Variants in NPAS3 observed in about 807,000 individuals in gnomAD.
NPAS3 encodes the protein neuronal PAS domain-containing protein 3.
NPAS3 carries 14 observed loss-of-function variants against 73.1 expected under a neutral mutation model. That is an observed-to-expected ratio of 0.19 (90% CI 0.13 to 0.30). NPAS3 has a LOEUF of 0.30. Ranked by LOEUF, NPAS3 falls within the 10% of genes least tolerant of loss-of-function variation. The probability of loss-of-function intolerance (pLI) is 1.00; values close to 1 mark genes in which losing one functional copy is unlikely to be tolerated. For missense variants in NPAS3, 1,096 were observed against 1,250.0 expected, an observed-to-expected ratio of 0.88 and a Z score of 1.86; for synonymous variants, 620 against 541.5, an observed-to-expected ratio of 1.14 and a Z score of -2.01.
chr14:32,996,052 T>A (rs1345356535), intron 1 of NPAS3, among the ~76,000 whole-genome samples: 1 of 152,156 alleles, frequency 6.6e-6, no homozygotes, highest in Non-Finnish European at 1.5e-5. Context: ...ACAATTAAGG[T>A]CCAGGCTGAG....
chr14:33,667,980 G>T lies in NPAS3; in HGVS notation c.559-8231G>T, dbSNP rs569435438. On this transcript the variant is annotated intron_variant, in intron 5 of 11. Coordinates refer to ENST00000356141, the Ensembl canonical transcript of NPAS3. ...GGTTACGTAGGTAAACGTGTGCCATGGTGGTTTACTGTACCTATCAACCCA... is the reference window on the plus strand; with the variant it reads ...GGTTACGTAGGTAAACGTGTGCCATTGTGGTTTACTGTACCTATCAACCCA... 2.0e-5 allele frequency among the ~76,000 whole-genome samples: 3 copies of T among 152,158 alleles called. No individual in the cohort carries two copies. In the East Asian group the frequency reaches 5.8e-4, roughly 29 times the overall value.
intron 5 of NPAS3, among the ~76,000 whole-genome samples, chr14:33,666,752 T>C (rs879575720): frequency 9.8e-5 from 15 of 152,360 alleles, no homozygotes; most frequent in Middle Eastern, 6.8e-3. Context: ...TTTTAATTAA[T>C]TCCTAAAATC....
chr14:33,365,113 A>G (rs1478351990), intron 3 of NPAS3, among the ~76,000 whole-genome samples: 1 of 145,222 alleles, frequency 6.9e-6, no homozygotes, highest in Non-Finnish European at 1.5e-5. Context: ...CTGAATCCTA[A>G]TTACTGTCTC....
At chr14:33,050,071 G>C (rs569856236) in intron 1 of NPAS3, among the ~76,000 whole-genome samples, 1 of 152,212 alleles carries the variant, frequency 6.6e-6, no homozygotes, top group East Asian at 1.9e-4. Flanking sequence ...ACAATCTAGG[G>C]GGGAAAGTCT....
rs1341272793 is a variant in NPAS3 at position 33,017,677 on chromosome 14, T to C, written c.51-38228T>C. Among the ~76,000 whole-genome samples, 4 of 152,308 alleles carry C rather than the reference T, an allele frequency of 2.6e-5. No individual in the cohort carries two copies. The East Asian group carries it at 7.7e-4, about 29-fold the overall frequency. On this transcript the variant is annotated intron_variant, in intron 1 of 11. Coordinates refer to ENST00000356141, the Ensembl canonical transcript of NPAS3. ...CTTAAAGCCTGGCCCTGTCATTAGCTGAGTGACCGTGAGCAAATTACTGAA... is the reference window on the plus strand; with the variant it reads ...CTTAAAGCCTGGCCCTGTCATTAGCCGAGTGACCGTGAGCAAATTACTGAA...
intron 9 of NPAS3, among the ~76,000 whole-genome samples, chr14:33,782,276 G>A (rs1308602133): frequency 6.6e-6 from 1 of 152,136 alleles, no homozygotes; most frequent in African/African-American, 2.4e-5. Context: ...ACTGGCTTGG[G>A]AGATGATCAC....
At chr14:33,577,639 T>A (rs940953266) in intron 5 of NPAS3, among the ~76,000 whole-genome samples, 3 of 152,188 alleles carry the variant, frequency 2.0e-5, no homozygotes, top group African/African-American at 7.2e-5. Flanking sequence ...CGTCATCCAG[T>A]ACTGAGACTT....
chr14:33,665,799 C>G (rs952282793), intron 5 of NPAS3, among the ~76,000 whole-genome samples: 15 of 151,972 alleles, frequency 9.9e-5, no homozygotes, highest in African/African-American at 3.6e-4. Flanking sequence ...AATCCTGTCT[C>G]TAATTAATTA....
At chr14:33,772,136 T>C (rs2062674174) in intron 7 of NPAS3, among the ~76,000 whole-genome samples, 1 of 152,206 alleles carries the variant, frequency 6.6e-6, no homozygotes, top group South Asian at 2.1e-4. Context: ...TCCTTGTCCT[T>C]ACTGGTCGAT....
intron 3 of NPAS3, among the ~76,000 whole-genome samples, chr14:33,280,121 A>G (rs898687422): frequency 3.3e-5 from 5 of 152,136 alleles, no homozygotes; most frequent in Non-Finnish European, 7.4e-5. Context: ...CAAGAAGCTT[A>G]TCTCTGAGTA....
intron 4 of NPAS3, among the ~76,000 whole-genome samples, chr14:33,455,641 T>C (rs2049991816): frequency 6.6e-6 from 1 of 152,228 alleles, no homozygotes; most frequent in Non-Finnish European, 1.5e-5. Flanking sequence ...TAATCTTGTA[T>C]GACACTGCCC....
chr14:33,567,943 C>T (rs539192312), intron 5 of NPAS3, among the ~76,000 whole-genome samples: 42 of 152,282 alleles, frequency 2.8e-4, no homozygotes, highest in Admixed American at 1.5e-3. Context: ...TTGTGCACAG[C>T]GAGCTGTTCT....
chr14:32,978,890 C>A (rs562821472), intron 1 of NPAS3, among the ~76,000 whole-genome samples: 30 of 152,126 alleles, frequency 2.0e-4, no homozygotes, highest in Non-Finnish European at 4.1e-4. Flanking sequence ...TAAGGTGACA[C>A]CCTTTGAAGA....
chr14:33,348,875 G>C (rs2044882228), intron 3 of NPAS3, among the ~76,000 whole-genome samples: 1 of 152,138 alleles, frequency 6.6e-6, no homozygotes, highest in African/African-American at 2.4e-5. Context: ...TTGAGGGAGA[G>C]GGACTTAGTT....
intron 4 of NPAS3, among the ~76,000 whole-genome samples, chr14:33,454,066 A>C (rs1256539021): frequency 6.6e-6 from 1 of 151,544 alleles, no homozygotes; most frequent in East Asian, 1.9e-4. Context: ...ACTAAATTTC[A>C]TGCTCAGTTA....
At chr14:33,269,274 C>A (rs2040962318) in intron 3 of NPAS3, among the ~76,000 whole-genome samples, 1 of 152,168 alleles carries the variant, frequency 6.6e-6, no homozygotes, top group South Asian at 2.1e-4. Flanking sequence ...TTAATCCACA[C>A]AACACCCTCC....
At chr14:33,302,225 C>A (rs574873134) in intron 3 of NPAS3, among the ~76,000 whole-genome samples, 1 of 152,230 alleles carries the variant, frequency 6.6e-6, no homozygotes, top group East Asian at 1.9e-4. Context: ...ATATAATTTT[C>A]TTTCTACTAC....
intron 6 of NPAS3, among the ~76,000 whole-genome samples, chr14:33,685,014 A>G (rs1463810381): frequency 1.3e-5 from 2 of 152,210 alleles, no homozygotes; most frequent in African/African-American, 2.4e-5. Flanking sequence ...AAGAACTTGT[A>G]TCTTTTCTCT....
chr14:33,006,092 T>A (rs151095875), intron 1 of NPAS3, among the ~76,000 whole-genome samples: 1 of 152,314 alleles, frequency 6.6e-6, no homozygotes, highest in African/African-American at 2.4e-5. Context: ...GCTCTCTGGA[T>A]CTCTGGAGCC....
Sources: allele counts gnomAD v4.1 joint callset (sites outside exome capture counted in the v4.1 genomes callset), GRCh38; gene constraint gnomAD v4.1.1; transcripts MANE v1.5; gene names NCBI Gene and HGNC (gene_info 2026-07-23, HGNC 2026-07-21).